The following URGCP variants were observed in gnomAD, a reference collection of about 807,000 sequenced individuals.
The protein encoded by URGCP is upregulator of cell proliferation.
URGCP carries 13 observed loss-of-function variants against 24.6 expected under a neutral mutation model. That is an observed-to-expected ratio of 0.53 (90% CI 0.34 to 0.84). The LOEUF is 0.84. Among genes scored for constraint, URGCP ranks in the 40% least tolerant of loss-of-function variants. The pLI is 0.01. For synonymous variants in URGCP, 444 were observed against 487.2 expected, an observed-to-expected ratio of 0.91 and a Z score of 1.17; for missense variants, 899 against 1,194.3, an observed-to-expected ratio of 0.75 and a Z score of 3.64.
At chr7:43,906,645 G>A, upstream of URGCP, 1 of 1,151,390 alleles carries the variant, frequency 8.7e-7, no homozygotes, top group African/African-American at 1.6e-5. Context: ...CGCCGGGGAG[G>A]GGCCTGGCCC....
intron 3 of URGCP, among the ~76,000 whole-genome samples, chr7:43,884,082 A>G (rs374541953): frequency 5.9e-5 from 9 of 152,234 alleles, no homozygotes; most frequent in African/African-American, 2.2e-4. Context: ...AGTAACCTCC[A>G]GACCCAGAGA....
intron 3 of URGCP, among the ~76,000 whole-genome samples, chr7:43,883,299 G>C (rs2095856683): frequency 7.3e-6 from 1 of 136,756 alleles, no homozygotes; most frequent in African/African-American, 2.7e-5. Context: ...GTAACACCTA[G>C]GTTCCAAAAT....
intron 1 of URGCP, chr7:43,919,804 T>C: frequency 5.4e-6 from 7 of 1,292,974 alleles, no homozygotes; most frequent in Non-Finnish European, 7.9e-6. Context: ...TACCTGCCCT[T>C]GGCCCACCGG....
chr7:43,881,016 G>A lies in URGCP; in HGVS notation c.202+643C>T, dbSNP rs2095852938. ...CACAGGACTGCCCCACAGAACATTA[G>A]GGGACCTATGAACTTGTTACAAAAA... On this transcript the variant is annotated intron_variant, in intron 5 of 5. Transcript: ENST00000453200. The A allele has an allele frequency of 1.7e-5, 10 of 602,372 alleles. No homozygotes were observed. The South Asian group carries it at 2.0e-4, about 12-fold the overall frequency. 37.3% of individuals were successfully genotyped at this position (602,372 alleles called of 1,614,324 possible).
chr7:43,897,242 C>T (rs116726021), intron 1 of URGCP, among the ~76,000 whole-genome samples: 2,531 of 150,690 alleles, frequency 0.017, 62 homozygotes, highest in African/African-American at 0.057. Flanking sequence ...ATTTAAAAGG[C>T]TATGCTAGAA....
At chr7:43,926,618 G>A (rs905121444), upstream of URGCP, 8 of 1,499,426 alleles carry the variant, frequency 5.3e-6, no homozygotes, top group Admixed American at 1.2e-4. Flanking sequence ...TGGGCGGGGC[G>A]CCGCTGCCGT....
At chr7:43,889,932 T>G (rs1277796924) in intron 1 of URGCP, among the ~76,000 whole-genome samples, 2 of 151,276 alleles carry the variant, frequency 1.3e-5, no homozygotes. Flanking sequence ...TGAGATGGAG[T>G]CTTGCTTTGT....
chr7:43,917,956 G>A (rs28805933), intron 1 of URGCP, among the ~76,000 whole-genome samples: 11,472 of 151,768 alleles, frequency 0.076, 582 homozygotes, highest in African/African-American at 0.14. Flanking sequence ...GAGCAAGACC[G>A]TCTCAAAAAA....
At chr7:43,916,707 A>ACCC (rs1204214927) in intron 1 of URGCP, among the ~76,000 whole-genome samples, 101 of 24,646 alleles carry the variant, frequency 4.1e-3, no homozygotes, top group Non-Finnish European at 5.5e-3. Context: ...CCCACTCCCT[A>ACCC]CCCACCCCCC....
At chr7:43,926,401 G>A (rs1409739934) in exon 1 of URGCP, 2 of 703,554 alleles carry the variant, frequency 2.8e-6, no homozygotes, top group Non-Finnish European at 3.8e-6. Context: ...CGGCGACGAC[G>A]GCCCCACAGT....
At chr7:43,921,889 T>G (rs946077217) in intron 1 of URGCP, among the ~76,000 whole-genome samples, 11 of 152,114 alleles carry the variant, frequency 7.2e-5, no homozygotes, top group Non-Finnish European at 1.3e-4. Flanking sequence ...AGCACGAGGT[T>G]TTCTTTTTCT....
At chr7:43,900,146 AAAAG>A (rs1169257141) in intron 1 of URGCP, among the ~76,000 whole-genome samples, 1 of 151,810 alleles carries the variant, frequency 6.6e-6, no homozygotes, top group Non-Finnish European at 1.5e-5. Flanking sequence ...CTCTGTCTCA[AAAAG>A]AAAGAAAGAA....
chr7:43,926,148 A>G (rs2528382), exon 1 of URGCP: 16,817 of 157,350 alleles, frequency 0.11, 1,530 homozygotes, highest in African/African-American at 0.25. Flanking sequence ...AAGAACCACT[A>G]TTCTCAGGAG....
At chr7:43,915,431 C>A (rs978948345) in intron 1 of URGCP, among the ~76,000 whole-genome samples, 8 of 152,250 alleles carry the variant, frequency 5.3e-5, no homozygotes, top group Admixed American at 4.6e-4. Flanking sequence ...CTTGGTCCAA[C>A]TCAGCCTTTT....
In URGCP at chr7:43,878,122, A is replaced by G; in HGVS notation, c.1341T>C (p.Ser447=). The change falls in exon 6 of 6, where the codon TCT becomes TCC. Residue 447 remains serine, a synonymous_variant. Coordinates refer to ENST00000453200, the MANE Select transcript of URGCP (RefSeq NM_001077663.3). The surrounding 1 kb of genome is among the most constrained non-coding windows in gnomAD (Gnocchi z 5.6). ...GGGCTGCGTGCGCCATGTCCTCCAC[A>G]GATACCCGCCTGCAGGGTGCCCGCA... ...NVLRAPCRRV[S]VEDMAHAARK... 6.2e-7 allele frequency: 1 copy of G among 1,614,206 alleles called. No homozygotes were observed. The highest frequency in any genetic ancestry group is 1.1e-5 in the South Asian group (1 of 91,082).
rs996378983 is a variant in URGCP at position 43,876,558 on chromosome 7, T to C, written c.*109A>G. On this transcript the variant is annotated 3_prime_UTR_variant, in exon 6 of 6. Coordinates refer to ENST00000453200, the MANE Select transcript of URGCP (RefSeq NM_001077663.3). ...TCTTTTCCTCGTCTTCTCATGTCGA[T>C]TGGGCACCAGCCATTCTCAGGCACC... is the stretch of plus-strand genomic sequence containing the variant. The C allele has an allele frequency of 4.1e-6, 5 of 1,233,022 alleles. No homozygotes were observed. Among genetic ancestry groups the C allele is most frequent in the Middle Eastern group, 2.4e-4 (1 of 4,198 alleles). The allele number at this position is 1,233,022 out of a possible 1,614,324, so 76.4% of individuals were successfully genotyped here.
At chr7:43,916,100 C>T (rs1038367107) in intron 1 of URGCP, among the ~76,000 whole-genome samples, 2 of 152,200 alleles carry the variant, frequency 1.3e-5, no homozygotes, top group African/African-American at 4.8e-5. Flanking sequence ...TTTCTCCATC[C>T]TGTCAGCAGT....
chr7:43,904,722 G>A (rs192451336), intron 1 of URGCP, among the ~76,000 whole-genome samples: 1 of 152,302 alleles, frequency 6.6e-6, no homozygotes, highest in Admixed American at 6.5e-5. Context: ...TGAGAAATGT[G>A]TCATTTGGCA....
At chr7:43,883,335 TAC>T (rs1174123666) in intron 3 of URGCP, among the ~76,000 whole-genome samples, 4,934 of 124,412 alleles carry the variant, frequency 0.04, 309 homozygotes, top group African/African-American at 0.16. Flanking sequence ...TATATATATA[TAC>T]ATATATATAT....
Sources: gnomAD v4.1 joint callset for allele counts (sites outside exome capture counted in the v4.1 genomes callset) on GRCh38, gnomAD v4.1.1 for gene constraint, Gnocchi (gnomAD v3.1) non-coding constraint, MANE v1.5 for transcripts, NCBI Gene and HGNC (gene_info 2026-07-23, HGNC 2026-07-21) for gene names.